CLVS1: variants seen among roughly 807,000 people sequenced by gnomAD.
The protein encoded by CLVS1 is clavesin 1.
Under a neutral mutation model 33.1 loss-of-function variants are expected in CLVS1, and 10 were observed. The observed-to-expected ratio is 0.30, with a 90% CI of 0.19 to 0.51. CLVS1 has a LOEUF of 0.51. CLVS1 is among the 20% of genes least tolerant of loss of function. The pLI is 0.97. For missense variants in CLVS1, 343 were observed against 433.4 expected, an observed-to-expected ratio of 0.79 and a Z score of 1.85; for synonymous variants, 163 against 166.1, an observed-to-expected ratio of 0.98 and a Z score of 0.14.
chr8:61,072,515 G>C (rs561589457), intron 1 of CLVS1, among the ~76,000 whole-genome samples: 2 of 152,264 alleles, frequency 1.3e-5, no homozygotes, highest in African/African-American at 4.8e-5. Flanking sequence ...TTCCAAGCAT[G>C]CATCCAAAAC....
chr8:60,976,789 G>T, the CLVS1 span, among the ~76,000 whole-genome samples: 5 of 152,246 alleles, frequency 3.3e-5, no homozygotes. Context: ...TGCCATGGGG[G>T]CGGTGGTATG....
At chr8:61,477,259 T>A (rs1456062928) in intron 5 of CLVS1, among the ~76,000 whole-genome samples, 2 of 151,320 alleles carry the variant, frequency 1.3e-5, no homozygotes, top group African/African-American at 4.9e-5. Flanking sequence ...TAAAATTCTC[T>A]TTTTTTTTGT....
At chr8:60,966,186 G>A in the CLVS1 span, 1 of 330,642 alleles carries the variant, frequency 3.0e-6, no homozygotes, top group African/African-American at 2.2e-5. Flanking sequence ...GACCTTTGGA[G>A]ATGTGAATGA....
chr8:61,207,660 G>C (rs1301449378), intron 2 of CLVS1, among the ~76,000 whole-genome samples: 1 of 152,132 alleles, frequency 6.6e-6, no homozygotes, highest in African/African-American at 2.4e-5. Flanking sequence ...CCAGGTGTGT[G>C]GCCACAGATA....
At position 61,422,361 on chromosome 8, in the gene CLVS1, C is replaced by T. The variant is rs1424163438; in HGVS notation, c.631-31780C>T. Among the ~76,000 whole-genome samples, 4 of 152,056 alleles carry T rather than the reference C, an allele frequency of 2.6e-5. No homozygotes were observed. In the South Asian group the frequency reaches 6.2e-4, roughly 24 times the overall value. On this transcript the variant is annotated intron_variant, in intron 3 of 5. Transcript: ENST00000325897. ...TGAGTTGAGTGCTGGGTCTGCAGCACGTGAAGCATGTGTGATGTCTCCATC... is the reference window on the plus strand; with the variant it reads ...TGAGTTGAGTGCTGGGTCTGCAGCATGTGAAGCATGTGTGATGTCTCCATC...
the CLVS1 span, among the ~76,000 whole-genome samples, chr8:61,041,772 G>A: frequency 1.3e-5 from 2 of 152,152 alleles, no homozygotes; most frequent in Non-Finnish European, 2.9e-5. Context: ...TTTTGGCAGA[G>A]TCTTTAGGGT....
intron 1 of CLVS1, among the ~76,000 whole-genome samples, chr8:61,076,099 T>G (rs1804905036): frequency 6.6e-6 from 1 of 152,230 alleles, no homozygotes; most frequent in African/African-American, 2.4e-5. Flanking sequence ...GTTACCCATT[T>G]GTTACAATAC....
intron 3 of CLVS1, among the ~76,000 whole-genome samples, chr8:61,389,921 T>TA (rs559032208): frequency 8.3e-4 from 127 of 152,256 alleles, no homozygotes; most frequent in Middle Eastern, 3.4e-3. Flanking sequence ...TTTACGAGAG[T>TA]AAAAAAGTCA....
At chr8:61,064,711 T>A (rs1804644173) in intron 1 of CLVS1, among the ~76,000 whole-genome samples, 1 of 151,934 alleles carries the variant, frequency 6.6e-6, no homozygotes, top group South Asian at 2.1e-4. Context: ...CAGCTAATTT[T>A]TTTTTTTTGA....
At chr8:61,139,915 G>A (rs74736539) in intron 2 of CLVS1, among the ~76,000 whole-genome samples, 13,410 of 152,228 alleles carry the variant, frequency 0.088, 909 homozygotes, top group East Asian at 0.36. Flanking sequence ...GGCCAGAAGG[G>A]AGGGAGTCTT....
the CLVS1 span, among the ~76,000 whole-genome samples, chr8:61,027,263 T>A: frequency 3.9e-5 from 6 of 152,158 alleles, no homozygotes; most frequent in African/African-American, 7.2e-5. Context: ...AACAAGAATG[T>A]GCATTAAAAT....
intron 3 of CLVS1, among the ~76,000 whole-genome samples, chr8:61,404,889 A>T (rs1391761391): frequency 6.6e-6 from 1 of 152,090 alleles, no homozygotes; most frequent in Non-Finnish European, 1.5e-5. Context: ...ACAGAGGAGG[A>T]GATTCTATGT....
At chr8:61,428,163 C>T (rs1350901162) in intron 3 of CLVS1, among the ~76,000 whole-genome samples, 1 of 152,202 alleles carries the variant, frequency 6.6e-6, no homozygotes, top group Non-Finnish European at 1.5e-5. Flanking sequence ...CCTAAGATAA[C>T]ACCCCATAAG....
chr8:61,272,488 T>C (rs1055773763), intron 2 of CLVS1, among the ~76,000 whole-genome samples: 9 of 152,098 alleles, frequency 5.9e-5, no homozygotes, highest in Non-Finnish European at 8.8e-5. Context: ...TTGCTCTTCT[T>C]GAGGAGTATC....
the CLVS1 span, among the ~76,000 whole-genome samples, chr8:60,980,739 T>C: frequency 1.2e-3 from 185 of 152,250 alleles, no homozygotes; most frequent in Admixed American, 2.0e-3. Flanking sequence ...TGAGCCGTGA[T>C]TGCACCACTG....
rs2129607020 is a variant in CLVS1, at chr8:61,454,068, G to A, written c.631-73G>A. 4 of 1,004,140 alleles carry A rather than the reference G, an allele frequency of 4.0e-6. No homozygotes were observed. In the South Asian group the frequency reaches 5.1e-5, roughly 13 times the overall value. 62.2% of individuals were successfully genotyped at this position (1,004,140 alleles called of 1,614,324 possible). On this transcript the variant is annotated intron_variant, in intron 3 of 5. Coordinates refer to ENST00000325897, the MANE Select transcript of CLVS1 (RefSeq NM_173519.3). ...CAGGAAAAACAGGTTGTTCTTTGGG[G>A]CATTGGTCCTGCTGGTCCAGTCTAA...
the CLVS1 span, among the ~76,000 whole-genome samples, chr8:61,023,615 A>C: frequency 3.3e-5 from 5 of 152,218 alleles, no homozygotes; most frequent in African/African-American, 4.8e-5. Context: ...GTTTTTTATG[A>C]ATCAGGATCC....
At chr8:61,042,742 T>A in the CLVS1 span, among the ~76,000 whole-genome samples, 1 of 152,204 alleles carries the variant, frequency 6.6e-6, no homozygotes, top group African/African-American at 2.4e-5. Flanking sequence ...TTTATAAATA[T>A]GGCATTGGAA....
At chr8:61,122,001 G>A (rs554145109) in intron 1 of CLVS1, among the ~76,000 whole-genome samples, 8 of 152,298 alleles carry the variant, frequency 5.3e-5, no homozygotes, top group South Asian at 2.1e-4. Context: ...ATCCACTGGC[G>A]CATTACAATA....
Sources: allele counts gnomAD v4.1 joint callset (sites outside exome capture counted in the v4.1 genomes callset), GRCh38; gene constraint gnomAD v4.1.1; transcripts MANE v1.5; gene names NCBI Gene and HGNC (gene_info 2026-07-23, HGNC 2026-07-21).